Variants in SNX25 observed in about 807,000 individuals in gnomAD.
SNX25 encodes sorting nexin 25.
SNX25 carries 62 observed loss-of-function variants against 113.7 expected under a neutral mutation model. That is an observed-to-expected ratio of 0.55 (90% CI 0.44 to 0.67). SNX25 has a LOEUF of 0.67. Among genes scored for constraint, SNX25 ranks in the 30% least tolerant of loss-of-function variants. The probability of loss-of-function intolerance (pLI) is 0.00; values close to 1 mark genes in which losing one functional copy is unlikely to be tolerated. For synonymous variants in SNX25, 421 were observed against 436.2 expected (o/e 0.97, Z 0.43); for missense variants, 1,014 against 1,161.0 (o/e 0.87, Z 1.84).
chr4:185,345,943 C>T (rs1346580428), intron 12 of SNX25, among the ~76,000 whole-genome samples: 2 of 152,152 alleles, frequency 1.3e-5, no homozygotes, highest in South Asian at 2.1e-4. Context: ...CTGCAGCCTC[C>T]ACCTCCTGGG....
chr4:185,269,069 C>T (rs140668089), intron 5 of SNX25, among the ~76,000 whole-genome samples: 124 of 152,156 alleles, frequency 8.1e-4, no homozygotes, highest in African/African-American at 2.8e-3. Context: ...ATTTCTTTTT[C>T]GTAAGTGTGA....
intron 15 of SNX25, among the ~76,000 whole-genome samples, chr4:185,354,041 CA>C (rs138207766): frequency 0.25 from 21,007 of 84,422 alleles, 1,426 homozygotes; most frequent in Admixed American, 0.33. Flanking sequence ...GACTCCGTCT[CA>C]AAAAAAAAAA....
chr4:185,353,602 A>G lies in SNX25; in HGVS notation c.2584A>G (p.Met862Val). The change falls in exon 15 of 19, where the codon ATG (methionine) becomes GTG (valine). Residue 862 changes from methionine to valine, a missense_variant and splice_region_variant. Met to Val is a conservative substitution (Grantham distance 21). Transcript: ENST00000652585. ...TGGGGAGATTTTTGAACTTCGAGGA[A>G]GTAAGCTTCTTTGTTATTATTTAGT... ...LIGEIFELRG[M>V]FKWVRRTLIA... The G allele has an allele frequency of 2.5e-6, 4 of 1,610,998 alleles. No individual in the cohort carries two copies. The highest frequency in any genetic ancestry group is 3.4e-6 in the Non-Finnish European group (4 of 1,177,076).
intron 6 of SNX25, among the ~76,000 whole-genome samples, chr4:185,299,458 C>G (rs956409654): frequency 6.6e-6 from 1 of 152,148 alleles, no homozygotes; most frequent in African/African-American, 2.4e-5. Context: ...ACCCCCAACC[C>G]CTACCAAAAG....
At chr4:185,291,218 C>T (rs773387854) in intron 6 of SNX25, among the ~76,000 whole-genome samples, 1 of 152,124 alleles carries the variant, frequency 6.6e-6, no homozygotes, top group Non-Finnish European at 1.5e-5. Flanking sequence ...GTGAAATATA[C>T]GTAACAAAAT....
At chr4:185,265,791 G>T (rs78022486) in intron 4 of SNX25, among the ~76,000 whole-genome samples, 2,919 of 151,992 alleles carry the variant, frequency 0.019, 34 homozygotes, top group South Asian at 0.032. Flanking sequence ...ACTATTGACA[G>T]TGCAATAGGT....
chr4:185,208,463 C>T (rs1454630857), upstream of SNX25, among the ~76,000 whole-genome samples: 5 of 152,056 alleles, frequency 3.3e-5, no homozygotes, highest in East Asian at 1.9e-4. Flanking sequence ...GGCGCGGTGG[C>T]TTACACCTAT....
chr4:185,239,625 A>C (rs984860269), intron 1 of SNX25, among the ~76,000 whole-genome samples: 2 of 152,178 alleles, frequency 1.3e-5, no homozygotes, highest in Non-Finnish European at 2.9e-5. Flanking sequence ...AAATAGGTTT[A>C]AATCTTAAAA....
chr4:185,259,542 A>G (rs1399565472), intron 3 of SNX25, among the ~76,000 whole-genome samples: 1 of 152,190 alleles, frequency 6.6e-6, no homozygotes, highest in Non-Finnish European at 1.5e-5. Flanking sequence ...GAGAAATTTC[A>G]TTATGAAAGT....
intron 1 of SNX25, among the ~76,000 whole-genome samples, chr4:185,245,592 G>T (rs1309107085): frequency 6.6e-6 from 1 of 152,108 alleles, no homozygotes; most frequent in Non-Finnish European, 1.5e-5. Flanking sequence ...ACCAGCCTCG[G>T]CCTCCCAAAG....
intron 5 of SNX25, among the ~76,000 whole-genome samples, chr4:185,272,838 A>C (rs117068994): frequency 6.6e-6 from 1 of 152,172 alleles, no homozygotes; most frequent in Admixed American, 6.5e-5. Flanking sequence ...TGCAATGAAC[A>C]AAGGGTGTTT....
chr4:185,378,501 C>T, the SNX25 span: 1 of 1,108,680 alleles, frequency 9.0e-7, no homozygotes, highest in Middle Eastern at 4.0e-4. Context: ...TGGGTCAAGT[C>T]ACCCAGCACA....
chr4:185,224,739 T>G (rs1740710603), intron 1 of SNX25, among the ~76,000 whole-genome samples: 1 of 150,618 alleles, frequency 6.6e-6, no homozygotes, highest in Admixed American at 6.6e-5. Context: ...GTGATTAATA[T>G]TTTTTTTGAA....
downstream of SNX25, among the ~76,000 whole-genome samples, chr4:185,368,794 T>TG (rs1353119277): frequency 7.0e-6 from 1 of 142,276 alleles, no homozygotes; most frequent in Non-Finnish European, 1.5e-5. Context: ...GAATCTGTTT[T>TG]GTTTTTTTTT....
chr4:185,310,332 A>G (rs905491083), intron 6 of SNX25, among the ~76,000 whole-genome samples: 2 of 152,252 alleles, frequency 1.3e-5, no homozygotes, highest in African/African-American at 4.8e-5. Flanking sequence ...GTACACATTC[A>G]TATAAAGATG....
At chr4:185,350,218 G>A (rs1049077452) in intron 13 of SNX25, among the ~76,000 whole-genome samples, 4 of 152,288 alleles carry the variant, frequency 2.6e-5, no homozygotes, top group East Asian at 3.9e-4. Context: ...CATAGCGTTC[G>A]TCAGGTCATT....
Position 185,310,738 on chromosome 4 carries a change from C to T in SNX25, c.1266C>T (p.Ile422=). The T allele has an allele frequency of 6.2e-7, 1 of 1,613,948 alleles. No individual in the cohort carries two copies. The highest frequency in any genetic ancestry group is 8.5e-7 in the Non-Finnish European group (1 of 1,179,942). Residue 422 remains isoleucine, a synonymous_variant, in exon 7 of 19, where the codon ATC becomes ATT. Transcript: ENST00000652585. ...TVAKKQCEKR[I]RILGGPAYDQ... ...CAAAGAAGCAGTGTGAGAAGAGAATCCGAATCCTGGGAGGCCCTGCCTATG... is the reference window on the plus strand; with the variant it reads ...CAAAGAAGCAGTGTGAGAAGAGAATTCGAATCCTGGGAGGCCCTGCCTATG...
intron 10 of SNX25, 111 bp from the exon 11 acceptor site, chr4:185,339,268 G>A: frequency 1.0e-6 from 1 of 958,846 alleles, no homozygotes; most frequent in South Asian, 2.0e-5. Context: ...TTCACTGTTA[G>A]TGTATCGAAA....
chr4:185,323,506 C>G, intron 8 of SNX25, 22 bp from the exon 9 acceptor site: 1 of 1,591,568 alleles, frequency 6.3e-7, no homozygotes, highest in Non-Finnish European at 8.5e-7. Context: ...TCTTACTTTT[C>G]CTTATCTTCC....
Sources: allele counts gnomAD v4.1 joint callset (sites outside exome capture counted in the v4.1 genomes callset), GRCh38; gene constraint gnomAD v4.1.1; transcripts MANE v1.5; gene names NCBI Gene and HGNC (gene_info 2026-07-23, HGNC 2026-07-21).